SETBP1: variants seen among roughly 807,000 people sequenced by gnomAD.
The protein encoded by SETBP1 is SET-binding protein.
Under a neutral mutation model 101.0 loss-of-function variants are expected in SETBP1, and 9 were observed. That is an observed-to-expected ratio of 0.09 (90% CI 0.05 to 0.16). SETBP1 has a LOEUF of 0.16. Among genes scored for constraint, SETBP1 ranks in the 10% least tolerant of loss-of-function variants. The probability of loss-of-function intolerance (pLI) is 1.00; values close to 1 mark genes in which losing one functional copy is unlikely to be tolerated. For synonymous variants in SETBP1, 818 were observed against 788.5 expected, an observed-to-expected ratio of 1.04 and a Z score of -0.63; for missense variants, 1,858 against 2,033.8, an observed-to-expected ratio of 0.91 and a Z score of 1.66.
chr18:44,778,733 G>A (rs11082408), intron 2 of SETBP1, among the ~76,000 whole-genome samples: 16,760 of 152,286 alleles, frequency 0.11, 1,193 homozygotes, highest in Non-Finnish European at 0.15. Flanking sequence ...TAGCTCAGAG[G>A]AGGAGTGAGG....
chr18:44,817,011 C>A (rs1488376971), intron 2 of SETBP1, among the ~76,000 whole-genome samples: 1 of 152,086 alleles, frequency 6.6e-6, no homozygotes, highest in East Asian at 1.9e-4. Flanking sequence ...AGGTTAAATC[C>A]AGACAGCACT....
At chr18:44,704,773 A>G (rs546228988) in intron 2 of SETBP1, among the ~76,000 whole-genome samples, 1 of 152,226 alleles carries the variant, frequency 6.6e-6, no homozygotes, top group Non-Finnish European at 1.5e-5. Flanking sequence ...TGAATGAGAA[A>G]TATGTGATCA....
At chr18:44,838,046 C>A (rs2144506114) in intron 2 of SETBP1, among the ~76,000 whole-genome samples, 1 of 152,262 alleles carries the variant, frequency 6.6e-6, no homozygotes, top group East Asian at 1.9e-4. Context: ...TTGGTGGAGT[C>A]TCCCTCCTCC....
chr18:45,007,428 T>A (rs967985810), intron 4 of SETBP1, among the ~76,000 whole-genome samples: 4 of 152,056 alleles, frequency 2.6e-5, no homozygotes, highest in Non-Finnish European at 5.9e-5. Flanking sequence ...AAGCCTCACT[T>A]TGATTATTAT....
rs554731813 is a variant in SETBP1, at chr18:45,007,279, T to C, written c.4001-31206T>C. 2.6e-5 allele frequency among the ~76,000 whole-genome samples: 4 copies of C among 152,344 alleles called. No homozygotes were observed. In the South Asian group the frequency reaches 8.3e-4, roughly 32 times the overall value. On this transcript the variant is annotated intron_variant, in intron 4 of 5. Transcript: ENST00000649279. ...TTACTTTTATCTCTTTCATTTCTCCTGTGCAGTCACATCCTGTATTAGATG... is the reference window on the plus strand; with the variant it reads ...TTACTTTTATCTCTTTCATTTCTCCCGTGCAGTCACATCCTGTATTAGATG...
At chr18:45,005,941 C>T (rs1329559460) in intron 4 of SETBP1, among the ~76,000 whole-genome samples, 6 of 140,392 alleles carry the variant, frequency 4.3e-5, no homozygotes, top group South Asian at 2.3e-4. Context: ...CCACTGCACC[C>T]GGCCTTTTTT....
chr18:44,876,813 A>G, intron 3 of SETBP1: 2 of 1,438,528 alleles, frequency 1.4e-6, no homozygotes, highest in Non-Finnish European at 1.8e-6. Flanking sequence ...TCCATTCAAC[A>G]ATGGAGACTT....
chr18:44,966,678 A>C (rs982030884), intron 4 of SETBP1, among the ~76,000 whole-genome samples: 1 of 152,192 alleles, frequency 6.6e-6, no homozygotes, highest in Non-Finnish European at 1.5e-5. Flanking sequence ...GACCACCATC[A>C]TTTCCTGACT....
At chr18:44,908,002 T>G (rs1206919243) in intron 3 of SETBP1, among the ~76,000 whole-genome samples, 1 of 152,154 alleles carries the variant, frequency 6.6e-6, no homozygotes, top group East Asian at 1.9e-4. Flanking sequence ...TGAATTTATT[T>G]GGTGTATTGT....
At chr18:44,732,042 G>T (rs972642609) in intron 2 of SETBP1, among the ~76,000 whole-genome samples, 7 of 152,138 alleles carry the variant, frequency 4.6e-5, no homozygotes, top group Non-Finnish European at 8.8e-5. Context: ...TGTGTGAGGT[G>T]CATGTTCTCA....
chr18:44,799,394 T>G (rs1284989337), intron 2 of SETBP1, among the ~76,000 whole-genome samples: 1 of 152,104 alleles, frequency 6.6e-6, no homozygotes, highest in Non-Finnish European at 1.5e-5. Context: ...AAGCCTTGCC[T>G]ATTAGATCCT....
intron 2 of SETBP1, among the ~76,000 whole-genome samples, chr18:44,787,576 C>T (rs1413048620): frequency 2.0e-5 from 3 of 152,000 alleles, no homozygotes; most frequent in African/African-American, 7.2e-5. Context: ...AATTGTTGGC[C>T]GGGCGCGGTG....
chr18:44,719,801 AT>A (rs2069546023), intron 2 of SETBP1, among the ~76,000 whole-genome samples: 1 of 152,110 alleles, frequency 6.6e-6, no homozygotes, highest in Non-Finnish European at 1.5e-5. Flanking sequence ...TGCTCATCTT[AT>A]TTAACACTGG....
intron 2 of SETBP1, among the ~76,000 whole-genome samples, chr18:44,825,644 C>T (rs1478632169): frequency 6.6e-6 from 1 of 152,114 alleles, no homozygotes; most frequent in East Asian, 1.9e-4. Context: ...TTCACCTGAC[C>T]TTTGTATTCC....
At chr18:44,840,940 C>T (rs191942448) in intron 2 of SETBP1, among the ~76,000 whole-genome samples, 51 of 152,300 alleles carry the variant, frequency 3.3e-4, no homozygotes, top group African/African-American at 1.2e-3. Context: ...GGGTTGGAAA[C>T]TTATGATTTG....
chr18:44,948,018 CT>C (rs1187248102), intron 3 of SETBP1, among the ~76,000 whole-genome samples: 1 of 152,160 alleles, frequency 6.6e-6, no homozygotes, highest in Non-Finnish European at 1.5e-5. Flanking sequence ...GTAAGTGGCA[CT>C]TAATATTTTA....
intron 2 of SETBP1, among the ~76,000 whole-genome samples, chr18:44,798,714 G>A (rs947788609): frequency 6.6e-6 from 1 of 152,176 alleles, no homozygotes; most frequent in African/African-American, 2.4e-5. Context: ...TGGGGAGCTG[G>A]AAACCTCACA....
At chr18:44,932,857 C>A (rs1346137335) in intron 3 of SETBP1, among the ~76,000 whole-genome samples, 2 of 152,062 alleles carry the variant, frequency 1.3e-5, no homozygotes, top group Non-Finnish European at 2.9e-5. Context: ...AATCTTTTTT[C>A]AAGGTTTTTA....
chr18:44,738,773 CAAAAAAA>C (rs34390519), intron 2 of SETBP1, among the ~76,000 whole-genome samples: 98 of 79,760 alleles, frequency 1.2e-3, no homozygotes, highest in African/African-American at 3.4e-3. Flanking sequence ...GACTCCATCT[CAAAAAAA>C]AAAAAAAAAA....
Sources: allele counts gnomAD v4.1 joint callset (sites outside exome capture counted in the v4.1 genomes callset), GRCh38; gene constraint gnomAD v4.1.1; transcripts MANE v1.5; gene names NCBI Gene and HGNC (gene_info 2026-07-23, HGNC 2026-07-21).